DOCK1: variants seen among roughly 807,000 people sequenced by gnomAD.
The protein encoded by DOCK1 is dedicator of cytokinesis protein 1.
A neutral mutation model predicts 262.7 loss-of-function variants in DOCK1; 138 were observed. The observed-to-expected ratio is 0.53, with a 90% CI of 0.46 to 0.61. The LOEUF (loss-of-function observed/expected upper bound fraction) is 0.61. Ranked by LOEUF, DOCK1 falls within the 20% of genes least tolerant of loss-of-function variation. The pLI, the probability that DOCK1 is intolerant of heterozygous loss-of-function variation, is 0.00. For missense variants in DOCK1, 1,908 were observed against 2,370.7 expected, an observed-to-expected ratio of 0.80 and a Z score of 4.05; for synonymous variants, 866 against 867.4, an observed-to-expected ratio of 1.00 and a Z score of 0.03.
chr10:126,999,515 C>A, intron 9 of DOCK1, 80 bp downstream of exon 9: 2 of 1,192,332 alleles, frequency 1.7e-6, no homozygotes, highest in Non-Finnish European at 2.5e-6. Flanking sequence ...TGCCTTCCTG[C>A]GACACTAGAA....
chr10:127,148,086 T>G (rs2052089685), intron 27 of DOCK1, among the ~76,000 whole-genome samples: 1 of 141,762 alleles, frequency 7.1e-6, no homozygotes, highest in South Asian at 2.3e-4. Context: ...CCATCATGGA[T>G]CATATCAAAC....
At chr10:127,196,648 C>G (rs1288826723) in intron 27 of DOCK1, among the ~76,000 whole-genome samples, 2 of 130,788 alleles carry the variant, frequency 1.5e-5, no homozygotes, top group Admixed American at 1.5e-4. Context: ...CGGGCCGGGC[C>G]GCGTGCGTGG....
chr10:126,942,580 C>T (rs1002980809), intron 1 of DOCK1, among the ~76,000 whole-genome samples: 4 of 152,138 alleles, frequency 2.6e-5, no homozygotes, highest in African/African-American at 9.7e-5. Flanking sequence ...AGGAAGTTTC[C>T]TTAATGGAAC....
At chr10:126,905,747 C>T (rs1480187306) in intron 1 of DOCK1, among the ~76,000 whole-genome samples, 184 bp downstream of exon 1, 1 of 143,028 alleles carries the variant, frequency 7.0e-6, no homozygotes, top group Non-Finnish European at 1.5e-5. Context: ...GCGCCCCCGG[C>T]GGCGTCAGCT....
At chr10:127,440,186 C>T (rs1246975417) in intron 49 of DOCK1, among the ~76,000 whole-genome samples, 16 of 151,378 alleles carry the variant, frequency 1.1e-4, no homozygotes, top group Admixed American at 1.1e-3. Flanking sequence ...GTGTTCCAGG[C>T]TCTTTTAAAT....
intron 1 of DOCK1, among the ~76,000 whole-genome samples, chr10:126,910,295 C>T (rs1271041209): frequency 2.0e-5 from 3 of 152,192 alleles, no homozygotes. Flanking sequence ...GACATCTGAT[C>T]AGGATTGTCT....
intron 49 of DOCK1, among the ~76,000 whole-genome samples, chr10:127,439,981 A>G (rs948216862): frequency 1.3e-5 from 2 of 152,082 alleles, no homozygotes; most frequent in Non-Finnish European, 2.9e-5. Flanking sequence ...TGTTACTGCA[A>G]AGGAATAACT....
At chr10:126,949,587 C>T (rs965753050) in intron 1 of DOCK1, among the ~76,000 whole-genome samples, 1 of 152,106 alleles carries the variant, frequency 6.6e-6, no homozygotes, top group Non-Finnish European at 1.5e-5. Flanking sequence ...TTGGATCTCT[C>T]TGTGATGAGA....
intron 29 of DOCK1, among the ~76,000 whole-genome samples, chr10:127,260,983 ACC>A (rs2060039724): frequency 6.9e-5 from 1 of 14,396 alleles, no homozygotes. Flanking sequence ...GTGTGTGTGT[ACC>A]CGTGCTCATG....
intron 27 of DOCK1, among the ~76,000 whole-genome samples, chr10:127,141,342 A>G (rs2051223034): frequency 6.6e-6 from 1 of 152,192 alleles, no homozygotes; most frequent in African/African-American, 2.4e-5. Context: ...CAACTATAGC[A>G]GGGGCTGGGT....
At chr10:127,043,250 G>C in intron 21 of DOCK1, 86 bp downstream of exon 21, 1 of 1,088,524 alleles carries the variant, frequency 9.2e-7, no homozygotes, top group Non-Finnish European at 1.4e-6. Context: ...TTTTGTCTAT[G>C]ACTGTGTATT....
At chr10:127,156,532 CTTT>C (rs1310324839) in intron 27 of DOCK1, among the ~76,000 whole-genome samples, 4 of 122,012 alleles carry the variant, frequency 3.3e-5, no homozygotes, top group Non-Finnish European at 6.7e-5. Flanking sequence ...TTTCTTTTCT[CTTT>C]TTCTTCTTCT....
chr10:127,404,537 ACT>A (rs1253198731), intron 40 of DOCK1, 108 bp downstream of exon 40: 43 of 964,652 alleles, frequency 4.5e-5, no homozygotes, highest in African/African-American at 1.6e-5. Flanking sequence ...GGATCGTGCA[ACT>A]CTCTACACTG....
At chr10:127,355,611 C>G (rs1253253233) in intron 32 of DOCK1, among the ~76,000 whole-genome samples, 1 of 152,202 alleles carries the variant, frequency 6.6e-6, no homozygotes, top group Non-Finnish European at 1.5e-5. Context: ...TGGCCTGTTG[C>G]AAGAAACCCT....
intron 24 of DOCK1, among the ~76,000 whole-genome samples, chr10:127,107,886 G>A (rs1475079423): frequency 6.6e-6 from 1 of 152,230 alleles, no homozygotes; most frequent in Non-Finnish European, 1.5e-5. Flanking sequence ...CGCACCCGCG[G>A]AGGGGTATCG....
chr10:127,362,299 G>A (rs2064504135), intron 33 of DOCK1, 87 bp downstream of exon 33: 1 of 1,410,806 alleles, frequency 7.1e-7, no homozygotes, highest in Non-Finnish European at 9.4e-7. Context: ...GACAGTTCTA[G>A]AGTTAAAGGT....
At position 127,418,352 on chromosome 10, in the gene DOCK1, T is replaced by A. The variant is rs772781855; in HGVS notation, c.4516-13T>A. Reference sequence around the variant, plus strand: ...CTGTGGGGCTGACATCGGGCTCTCCTCTCTCTTTGCAGGTGGAAATCAGCC... The same window carrying A: ...CTGTGGGGCTGACATCGGGCTCTCCACTCTCTTTGCAGGTGGAAATCAGCC... On this transcript the variant is annotated splice_polypyrimidine_tract_variant and intron_variant, in intron 44 of 51. Coordinates refer to ENST00000623213, the MANE Select transcript of DOCK1 (RefSeq NM_001290223.2). 30 of 1,603,084 alleles carry A rather than the reference T, an allele frequency of 1.9e-5. No individual in the cohort carries two copies. Among genetic ancestry groups the A allele is most frequent in the Non-Finnish European group, 1.8e-5 (21 of 1,174,166 alleles).
chr10:126,974,511 C>T (rs947956344), intron 2 of DOCK1, among the ~76,000 whole-genome samples: 8 of 152,096 alleles, frequency 5.3e-5, no homozygotes, highest in Admixed American at 2.0e-4. Flanking sequence ...TGGTTGACTA[C>T]GTGGAGGCCA....
At chr10:127,319,215 T>C (rs984818324) in intron 29 of DOCK1, among the ~76,000 whole-genome samples, 1 of 152,256 alleles carries the variant, frequency 6.6e-6, no homozygotes. Flanking sequence ...GATTTGCTTT[T>C]CTTTTAAATA....
Sources: allele counts gnomAD v4.1 joint callset (sites outside exome capture counted in the v4.1 genomes callset), GRCh38; gene constraint gnomAD v4.1.1; transcripts MANE v1.5; gene names NCBI Gene and HGNC (gene_info 2026-07-23, HGNC 2026-07-21).